LARP1B: variants seen among roughly 807,000 people sequenced by gnomAD.
LARP1B encodes the protein La ribonucleoprotein 1B.
In LARP1B, 76 loss-of-function variants were observed where a neutral mutation model predicts 114.2. The ratio of observed to expected loss-of-function variants is 0.67; its 90% confidence interval spans 0.55 to 0.81. The LOEUF is 0.81. LARP1B is among the 30% of genes least tolerant of loss of function. The probability of loss-of-function intolerance (pLI) is 0.00; values close to 1 mark genes in which losing one functional copy is unlikely to be tolerated. For missense variants in LARP1B, 1,014 were observed against 1,075.8 expected, an observed-to-expected ratio of 0.94 and a Z score of 0.80; for synonymous variants, 345 against 348.0, an observed-to-expected ratio of 0.99 and a Z score of 0.10.
intron 8 of LARP1B, among the ~76,000 whole-genome samples, chr4:128,102,116 G>A (rs1447233383): frequency 1.3e-5 from 2 of 152,272 alleles, no homozygotes; most frequent in East Asian, 1.9e-4. Context: ...AAACACATAA[G>A]CATAGCAATT....
At chr4:128,177,057 G>A (rs1027189847) in intron 13 of LARP1B, 150 bp downstream of exon 13, 45 of 737,674 alleles carry the variant, frequency 6.1e-5, no homozygotes, top group Middle Eastern at 2.4e-4. Flanking sequence ...TGCTATTTGT[G>A]TCACCAAGAA....
intron 11 of LARP1B, among the ~76,000 whole-genome samples, chr4:128,136,856 C>T (rs1229482910): frequency 6.6e-6 from 1 of 152,040 alleles, no homozygotes; most frequent in Admixed American, 6.6e-5. Context: ...ATGGCCTTGC[C>T]CTCCCAAAGT....
chr4:128,114,795 G>T, intron 10 of LARP1B, 53 bp downstream of exon 10: 2 of 1,507,656 alleles, frequency 1.3e-6, no homozygotes, highest in Non-Finnish European at 1.8e-6. Flanking sequence ...GGAGTATAAG[G>T]TCAGTGCACT....
chr4:128,088,712 T>C (rs1371191634), intron 5 of LARP1B, among the ~76,000 whole-genome samples: 4 of 152,204 alleles, frequency 2.6e-5, no homozygotes, highest in African/African-American at 9.6e-5. Flanking sequence ...GTGCTTCACA[T>C]AGTAAATTTT....
intron 5 of LARP1B, among the ~76,000 whole-genome samples, chr4:128,090,418 T>C (rs549320166): frequency 6.6e-6 from 1 of 152,316 alleles, no homozygotes; most frequent in East Asian, 1.9e-4. Context: ...TCTGTATTTA[T>C]TGTCCACTTG....
At chr4:128,130,356 A>G (rs934371006) in intron 11 of LARP1B, among the ~76,000 whole-genome samples, 10 of 152,236 alleles carry the variant, frequency 6.6e-5, no homozygotes. Flanking sequence ...AGACCAGTTT[A>G]TTGAAGAAAA....
intron 13 of LARP1B, among the ~76,000 whole-genome samples, chr4:128,177,878 AG>A (rs1746883009): frequency 2.0e-5 from 3 of 152,280 alleles, no homozygotes; most frequent in South Asian, 4.1e-4. Flanking sequence ...TGTTGATCAC[AG>A]CATTGTTGAT....
intron 12 of LARP1B, among the ~76,000 whole-genome samples, chr4:128,176,142 AT>A (rs1465106943): frequency 4.3e-5 from 6 of 139,328 alleles, no homozygotes; most frequent in African/African-American, 1.3e-4. Flanking sequence ...GTGTATATAT[AT>A]TTATATTATA....
chr4:128,160,475 T>C (rs552546241), intron 11 of LARP1B, among the ~76,000 whole-genome samples: 1 of 152,296 alleles, frequency 6.6e-6, no homozygotes, highest in South Asian at 2.1e-4. Flanking sequence ...TAAGTCTGTT[T>C]ACCTTCGATT....
chr4:128,159,197 TA>T (rs1377084022), intron 11 of LARP1B, among the ~76,000 whole-genome samples: 2 of 149,264 alleles, frequency 1.3e-5, no homozygotes, highest in East Asian at 2.0e-4. Flanking sequence ...AAAAAGGAAA[TA>T]TGTTGTGTAA....
chr4:128,169,421 A>G (rs1344500265), intron 12 of LARP1B, among the ~76,000 whole-genome samples: 2 of 151,844 alleles, frequency 1.3e-5, no homozygotes. Context: ...TCAGTTCTAT[A>G]TATTTTCTAA....
At chr4:128,196,811 C>T (rs910406685) in intron 15 of LARP1B, among the ~76,000 whole-genome samples, 8 of 151,710 alleles carry the variant, frequency 5.3e-5, no homozygotes, top group Admixed American at 1.3e-4. Flanking sequence ...AAGCAAGTAT[C>T]CAACAACAAA....
intron 9 of LARP1B, among the ~76,000 whole-genome samples, chr4:128,113,881 G>A (rs1784951088): frequency 6.7e-6 from 1 of 148,596 alleles, no homozygotes; most frequent in African/African-American, 2.5e-5. Context: ...CCACCTCCCA[G>A]GTTCAAGCGA....
At chr4:128,115,794 T>G (rs1159938955) in intron 10 of LARP1B, among the ~76,000 whole-genome samples, 1 of 152,174 alleles carries the variant, frequency 6.6e-6, no homozygotes, top group Non-Finnish European at 1.5e-5. Flanking sequence ...TTACTGGGAT[T>G]ACAGGGTCAC....
Position 128,141,548 on chromosome 4 carries a change from C to G in LARP1B, c.1524+19360C>G, listed in dbSNP as rs577188891. Among the ~76,000 whole-genome samples the G allele has an allele frequency of 2.6e-5, 4 of 152,264 alleles. No homozygotes were observed. In the East Asian group the frequency reaches 7.7e-4, roughly 29 times the overall value. The stretch of plus-strand genomic sequence containing the variant: ...AGTCACTTAATCTCATCGTTAGGCT[C>G]ATTGCATTTACAGTAGTGAAATATA... On this transcript the variant is annotated intron_variant, in intron 11 of 19. Transcript: ENST00000326639.
At chr4:128,194,540 G>A (rs908835727) in intron 15 of LARP1B, among the ~76,000 whole-genome samples, 6 of 151,848 alleles carry the variant, frequency 4.0e-5, no homozygotes, top group Middle Eastern at 3.4e-3. Flanking sequence ...AAAATTAGCC[G>A]GGCATGGTGG....
chr4:128,149,779 G>A (rs944847398), intron 11 of LARP1B, among the ~76,000 whole-genome samples: 9 of 152,190 alleles, frequency 5.9e-5, no homozygotes, highest in African/African-American at 2.2e-4. Flanking sequence ...CAGGAAAAGT[G>A]ATTGAACTTT....
intron 12 of LARP1B, 57 bp downstream of exon 12, chr4:128,162,374 G>A: frequency 1.4e-6 from 2 of 1,448,620 alleles, no homozygotes. Context: ...GTTCTGAATT[G>A]TTTTTAAAAA....
intron 15 of LARP1B, among the ~76,000 whole-genome samples, chr4:128,187,057 A>C (rs1319725371): frequency 1.3e-5 from 2 of 152,220 alleles, no homozygotes; most frequent in African/African-American, 4.8e-5. Flanking sequence ...TCTAGACTAA[A>C]GCCTGCTGTA....
Sources: allele counts gnomAD v4.1 joint callset (sites outside exome capture counted in the v4.1 genomes callset), GRCh38; gene constraint gnomAD v4.1.1; transcripts MANE v1.5; gene names NCBI Gene and HGNC (gene_info 2026-07-23, HGNC 2026-07-21).